The following TRIM5 variants were observed in gnomAD, a reference collection of about 807,000 sequenced individuals.
TRIM5 encodes tripartite motif containing 5.
A neutral mutation model predicts 35.6 loss-of-function variants in TRIM5; 31 were observed. That is an observed-to-expected ratio of 0.87 (90% CI 0.65 to 1.18). TRIM5 has a LOEUF of 1.18. TRIM5 is among the 50% of genes most tolerant of loss of function. TRIM5 has a pLI of 0.00. For missense variants in TRIM5, 609 were observed against 591.6 expected, an observed-to-expected ratio of 1.03 and a Z score of -0.31; for synonymous variants, 243 against 215.6, an observed-to-expected ratio of 1.13 and a Z score of -1.11.
chr11:5,593,020 A>C, the TRIM5 span, among the ~76,000 whole-genome samples: 1 of 152,166 alleles, frequency 6.6e-6, no homozygotes, highest in Non-Finnish European at 1.5e-5. Context: ...AAGGACCAAA[A>C]AAATGCATTA....
the TRIM5 span, chr11:5,642,296 GGA>G: frequency 1.1e-6 from 1 of 941,018 alleles, no homozygotes; most frequent in East Asian, 2.5e-5. Flanking sequence ...TCAGGCTCAG[GGA>G]GAAGGGTTCA....
the TRIM5 span, among the ~76,000 whole-genome samples, chr11:5,617,771 TGG>T: frequency 1.3e-5 from 2 of 151,770 alleles, no homozygotes; most frequent in South Asian, 4.2e-4. Flanking sequence ...ATTACAGGCT[TGG>T]GCCACCGCGC....
intron 4 of TRIM5, chr11:5,677,954 C>G: frequency 2.9e-6 from 1 of 348,922 alleles, no homozygotes; most frequent in Non-Finnish European, 5.2e-6. Context: ...AGGAACCTAT[C>G]AAACATGACT....
At chr11:5,644,877 G>C in the TRIM5 span, among the ~76,000 whole-genome samples, 1 of 152,160 alleles carries the variant, frequency 6.6e-6, no homozygotes, top group Admixed American at 6.5e-5. Context: ...GCCTCATGGA[G>C]GGCCTCGCAC....
chr11:5,636,958 A>C, the TRIM5 span, among the ~76,000 whole-genome samples: 3 of 152,300 alleles, frequency 2.0e-5, no homozygotes, highest in Non-Finnish European at 2.9e-5. Flanking sequence ...CATCCTGGCT[A>C]ACACAGTGAA....
chr11:5,636,957 T>C, the TRIM5 span, among the ~76,000 whole-genome samples: 5,462 of 152,204 alleles, frequency 0.036, 194 homozygotes, highest in East Asian at 0.16. Flanking sequence ...TCATCCTGGC[T>C]AACACAGTGA....
chr11:5,599,472 C>T, the TRIM5 span, among the ~76,000 whole-genome samples: 50 of 152,106 alleles, frequency 3.3e-4, 1 homozygote, highest in Non-Finnish European at 5.6e-4. Context: ...GGCACGATCT[C>T]GACTCACTGC....
the TRIM5 span, among the ~76,000 whole-genome samples, chr11:5,599,637 T>C: frequency 1.2e-4 from 18 of 152,088 alleles, no homozygotes; most frequent in African/African-American, 3.9e-4. Context: ...TCTCCTGACC[T>C]TGTGATCCGC....
chr11:5,678,114 T>C, intron 4 of TRIM5, 90 bp downstream of exon 4: 2 of 1,125,444 alleles, frequency 1.8e-6, no homozygotes, highest in Non-Finnish European at 2.5e-6. Flanking sequence ...GAGAACATTG[T>C]TAATATTAGA....
chr11:5,609,224 C>T, the TRIM5 span, among the ~76,000 whole-genome samples: 16 of 152,140 alleles, frequency 1.1e-4, no homozygotes, highest in South Asian at 4.1e-4. Flanking sequence ...CACAGACACA[C>T]GAAATGGGAA....
intron 4 of TRIM5, among the ~76,000 whole-genome samples, chr11:5,676,150 C>A (rs1851963305): frequency 6.6e-6 from 1 of 150,430 alleles, no homozygotes; most frequent in Admixed American, 6.6e-5. Context: ...TGAATAATGC[C>A]ACAATAAACA....
chr11:5,596,855 G>A, the TRIM5 span: 62 of 1,613,738 alleles, frequency 3.8e-5, no homozygotes, highest in African/African-American at 7.3e-4. Context: ...TTGACCACCT[G>A]ATATTGCTTA....
the TRIM5 span, among the ~76,000 whole-genome samples, chr11:5,597,953 C>T: frequency 6.6e-6 from 1 of 152,092 alleles, no homozygotes; most frequent in African/African-American, 2.4e-5. Context: ...TGAATCATTC[C>T]AGGAAAGACT....
At chr11:5,642,412 G>T in the TRIM5 span, 2 of 1,612,778 alleles carry the variant, frequency 1.2e-6, no homozygotes, top group Non-Finnish European at 1.7e-6. Flanking sequence ...CTAGGAGTGA[G>T]ATCTGGAGGC....
the TRIM5 span, chr11:5,604,476 C>G: frequency 4.4e-5 from 68 of 1,547,158 alleles, no homozygotes; most frequent in African/African-American, 8.2e-4. Context: ...CATTCTATGT[C>G]TGGGTACTGA....
In TRIM5 at chr11:5,663,331, G is replaced by A. The variant is rs554823568; in HGVS notation, c.*1478C>T. Reference sequence around the variant, plus strand: ...CAGTTTGTTTGATAAAGACTAATATGTAGCAACACTAGAATTACAATAAAA... The same window carrying A: ...CAGTTTGTTTGATAAAGACTAATATATAGCAACACTAGAATTACAATAAAA... On this transcript the variant is annotated 3_prime_UTR_variant, in exon 8 of 8. Coordinates refer to ENST00000380034, the MANE Select transcript of TRIM5 (RefSeq NM_033034.3). The A allele has an allele frequency of 3.6e-5, 34 of 944,034 alleles. 1 individual carries two copies. In the East Asian group the frequency reaches 4.0e-3, roughly 110 times the overall value. 58.5% of individuals were successfully genotyped at this position (944,034 alleles called of 1,614,324 possible). A position where few individuals can be genotyped will look rare whatever the true frequency, so the allele number is the denominator to read the frequency against.
the TRIM5 span, chr11:5,605,598 A>C: frequency 5.7e-6 from 9 of 1,582,050 alleles, no homozygotes; most frequent in South Asian, 2.3e-5. Context: ...CAGATCTGAG[A>C]GTCAAGGAAA....
chr11:5,648,430 TGGG>T, the TRIM5 span, among the ~76,000 whole-genome samples: 1 of 113,190 alleles, frequency 8.8e-6, no homozygotes, highest in Non-Finnish European at 2.0e-5. Flanking sequence ...GGCGTGAACC[TGGG>T]AGGTGGAGGT....
intron 4 of TRIM5, among the ~76,000 whole-genome samples, chr11:5,671,227 A>AAT (rs1263811007): frequency 2.0e-5 from 3 of 151,978 alleles, no homozygotes; most frequent in East Asian, 3.9e-4. Flanking sequence ...CTCTGTCTAA[A>AAT]ATATATATAT....
Sources: gnomAD v4.1 joint callset for allele counts (sites outside exome capture counted in the v4.1 genomes callset) on GRCh38, gnomAD v4.1.1 for gene constraint, MANE v1.5 for transcripts, NCBI Gene and HGNC (gene_info 2026-07-23, HGNC 2026-07-21) for gene names.